CEP85L: variants seen among roughly 807,000 people sequenced by gnomAD.
The protein encoded by CEP85L is centrosomal protein of 85 kDa-like.
Under a neutral mutation model 100.3 loss-of-function variants are expected in CEP85L, and 60 were observed. The ratio of observed to expected loss-of-function variants is 0.60; its 90% confidence interval spans 0.49 to 0.74. CEP85L has a LOEUF of 0.74. Ranked by LOEUF, CEP85L falls within the 30% of genes least tolerant of loss-of-function variation. The probability of loss-of-function intolerance (pLI) is 0.00; values close to 1 mark genes in which losing one functional copy is unlikely to be tolerated. For missense variants in CEP85L, 973 were observed against 936.2 expected (o/e 1.04, Z -0.51); for synonymous variants, 319 against 322.7 (o/e 0.99, Z 0.12).
intron 2 of CEP85L, among the ~76,000 whole-genome samples, chr6:118,577,884 T>C (rs569613784): frequency 2.0e-5 from 3 of 152,348 alleles, no homozygotes; most frequent in Admixed American, 1.3e-4. Flanking sequence ...CTCATTCTTG[T>C]AGGTTGCTGC....
intron 2 of CEP85L, among the ~76,000 whole-genome samples, chr6:118,625,245 G>A (rs981355180): frequency 4.6e-5 from 7 of 152,172 alleles, no homozygotes; most frequent in South Asian, 2.1e-4. Context: ...TTTTTCATCC[G>A]TGCTAACATA....
intron 2 of CEP85L, among the ~76,000 whole-genome samples, chr6:118,586,260 T>C (rs1448043783): frequency 6.6e-6 from 1 of 152,164 alleles, no homozygotes; most frequent in African/African-American, 2.4e-5. Context: ...CCTTGAAAAT[T>C]AGGTCTTAGC....
At chr6:118,679,195 A>G (rs1699572551) in intron 1 of CEP85L, among the ~76,000 whole-genome samples, 1 of 152,206 alleles carries the variant, frequency 6.6e-6, no homozygotes, top group African/African-American at 2.4e-5. Context: ...ATTTTGTACC[A>G]ACTATTATAC....
At chr6:118,493,474 G>A (rs1450470086) in intron 5 of CEP85L, among the ~76,000 whole-genome samples, 1 of 152,102 alleles carries the variant, frequency 6.6e-6, no homozygotes, top group Non-Finnish European at 1.5e-5. Context: ...ATAGGACAAA[G>A]CTAGATTCAG....
intron 3 of CEP85L, chr6:118,538,062 C>A: frequency 2.3e-6 from 1 of 443,048 alleles, no homozygotes; most frequent in Non-Finnish European, 3.0e-6. Flanking sequence ...TATGTTATTA[C>A]TAAAAGAACT....
chr6:118,470,472 T>C lies in CEP85L; in HGVS notation c.2022+65A>G, dbSNP rs908284931. ...TTAATCTGAAAATGCTCTATTAATA[T>C]CTATAAAATAAGCATTTTATAGTGA... is the stretch of plus-strand genomic sequence containing the variant. On this transcript the variant is annotated intron_variant, in intron 11 of 12. Transcript: ENST00000368491. 3.6e-6 allele frequency: 3 copies of C among 832,298 alleles called. No homozygotes were observed. In the East Asian group the frequency reaches 8.3e-5, roughly 23 times the overall value. The allele number at this position is 832,298 out of a possible 1,614,324, so 51.6% of individuals were successfully genotyped here.
Position 118,651,282 on chromosome 6 carries a change from G to C in CEP85L, c.-13C>G, listed in dbSNP as rs1775539449. 2 of 1,481,160 alleles carry C rather than the reference G, an allele frequency of 1.4e-6. No individual in the cohort carries two copies. Among genetic ancestry groups the C allele is most frequent in the Non-Finnish European group, 1.8e-6 (2 of 1,119,558 alleles). The allele number at this position is 1,481,160 out of a possible 1,614,324, so 91.8% of individuals were successfully genotyped here. On this transcript the variant is annotated 5_prime_UTR_variant, in exon 1 of 13. Transcript: ENST00000368491. Reference sequence around the variant, plus strand: ...AGCGCCCCCACATCGCGGGCGAGAGGGCCGGGTGGGCCAGGGACGCCCGAC... The same window carrying C: ...AGCGCCCCCACATCGCGGGCGAGAGCGCCGGGTGGGCCAGGGACGCCCGAC...
intron 2 of CEP85L, among the ~76,000 whole-genome samples, chr6:118,611,009 A>G (rs1040921453): frequency 6.6e-6 from 1 of 152,220 alleles, no homozygotes; most frequent in African/African-American, 2.4e-5. Flanking sequence ...GATCTAAAAG[A>G]ATGAAGAATG....
chr6:118,548,771 T>C (rs1396804440), intron 3 of CEP85L, among the ~76,000 whole-genome samples: 1 of 152,058 alleles, frequency 6.6e-6, no homozygotes, highest in Admixed American at 6.6e-5. Flanking sequence ...CTTAATTTTG[T>C]TATTTATTGC....
At chr6:118,552,256 AG>A (rs1335948944) in intron 3 of CEP85L, among the ~76,000 whole-genome samples, 1 of 152,090 alleles carries the variant, frequency 6.6e-6, no homozygotes, top group East Asian at 1.9e-4. Context: ...AAAGAATCCC[AG>A]GAATTTATTA....
chr6:118,563,798 G>T (rs1479294032), intron 3 of CEP85L, among the ~76,000 whole-genome samples: 1 of 152,064 alleles, frequency 6.6e-6, no homozygotes. Flanking sequence ...TATGATGAAA[G>T]CTTTTAAAAT....
chr6:118,657,701 G>A (rs1775843583), intron 1 of CEP85L, among the ~76,000 whole-genome samples: 1 of 151,656 alleles, frequency 6.6e-6, no homozygotes. Flanking sequence ...GGTCCTCAAT[G>A]CTTCTGACTG....
At position 118,511,362 on chromosome 6, in the gene CEP85L, C is replaced by G; in HGVS notation, c.1193G>C (p.Arg398Pro). The change falls in exon 5 of 13, where the codon CGG becomes CCG. Residue 398 changes from arginine to proline, a missense_variant. By Grantham distance (103) the Arg-to-Pro change is moderately radical (BLOSUM62 -2). Transcript: ENST00000368491. ...ATGTCCTAACATGGCATGTTGAGCC[C>G]GTAATTCATTATCCCTTATCCTCTC... ...LHERIRDNEL[R>P]AQHAMLGHYV... 1 of 1,613,028 alleles carries G rather than the reference C, an allele frequency of 6.2e-7. No homozygotes were observed. Among genetic ancestry groups the G allele is most frequent in the Non-Finnish European group, 8.5e-7 (1 of 1,179,386 alleles).
At chr6:118,629,583 A>G (rs1583194323) in intron 2 of CEP85L, among the ~76,000 whole-genome samples, 1 of 152,348 alleles carries the variant, frequency 6.6e-6, no homozygotes, top group East Asian at 1.9e-4. Context: ...GGAATGCAAA[A>G]TGGTACAGCC....
chr6:118,675,587 G>A (rs368447422), intron 1 of CEP85L, among the ~76,000 whole-genome samples: 2 of 146,710 alleles, frequency 1.4e-5, no homozygotes, highest in Admixed American at 6.9e-5. Context: ...ATAAAAATAA[G>A]ATTGCTAGAA....
intron 1 of CEP85L, among the ~76,000 whole-genome samples, chr6:118,687,199 A>G (rs1776863703): frequency 1.3e-5 from 2 of 152,186 alleles, no homozygotes; most frequent in Non-Finnish European, 2.9e-5. Flanking sequence ...TGCCCTATCT[A>G]AAACAGCAGC....
chr6:118,698,450 G>C (rs1306157315), intron 1 of CEP85L, among the ~76,000 whole-genome samples: 2 of 151,864 alleles, frequency 1.3e-5, no homozygotes, highest in Non-Finnish European at 2.9e-5. Context: ...GAATGGAGAA[G>C]TAACATAACT....
chr6:118,596,331 T>C (rs1312169891), intron 2 of CEP85L, among the ~76,000 whole-genome samples: 2 of 152,168 alleles, frequency 1.3e-5, no homozygotes, highest in African/African-American at 4.8e-5. Context: ...CAATATTCAG[T>C]AATCTTCCAC....
intron 1 of CEP85L, among the ~76,000 whole-genome samples, chr6:118,637,137 C>A (rs1472375292): frequency 6.6e-6 from 1 of 152,154 alleles, no homozygotes; most frequent in Non-Finnish European, 1.5e-5. Flanking sequence ...ACAATCTCAA[C>A]TATCTGTTAT....
Sources: allele counts gnomAD v4.1 joint callset (sites outside exome capture counted in the v4.1 genomes callset), GRCh38; gene constraint gnomAD v4.1.1; transcripts MANE v1.5; gene names NCBI Gene and HGNC (gene_info 2026-07-23, HGNC 2026-07-21).